Variants in IL37 observed in about 807,000 individuals in gnomAD.
IL37 encodes interleukin-37.
A neutral mutation model predicts 15.4 loss-of-function variants in IL37; 15 were observed. That is an observed-to-expected ratio of 0.98 (90% CI 0.65 to 1.50). The LOEUF (loss-of-function observed/expected upper bound fraction) is 1.50, where lower values mean the gene tolerates loss of function less well. Ranked by LOEUF, IL37 falls within the 40% of genes most tolerant of loss-of-function variation. The pLI is 0.00. For synonymous variants in IL37, 98 were observed against 97.4 expected (o/e 1.01, Z -0.03); for missense variants, 269 against 261.7 (o/e 1.03, Z -0.19).
chr2:112,912,924 G>A, intron 1 of IL37, 39 bp from the exon 2 acceptor site: 1 of 916,016 alleles, frequency 1.1e-6, no homozygotes, highest in Admixed American at 2.6e-5. Context: ...GTCCTGGGGT[G>A]AGAAGATGCC....
chr2:112,915,560 A>G (rs746815860), intron 3 of IL37, among the ~76,000 whole-genome samples: 12 of 152,218 alleles, frequency 7.9e-5, no homozygotes, highest in Non-Finnish European at 1.8e-4. Flanking sequence ...GATTTCTTGC[A>G]CATTAAAGTG....
Position 112,913,838 on chromosome 2 carries a change from G to A in IL37, c.129G>A (p.Met43Ile). ...PLEPGPSLPT[M>I]NFVHTSPKVK... The stretch of plus-strand genomic sequence containing the variant: ...AACCAGGCCCAAGCCTCCCCACCAT[G>A]AATTTTGTTCACACAAGTAAGGCCT... Residue 43 changes from methionine (M) to isoleucine (I), a missense_variant, in exon 3 of 6, where the codon ATG (methionine) becomes ATA (isoleucine). Coordinates refer to ENST00000263326, the MANE Select transcript of IL37 (RefSeq NM_014439.4). The A allele has an allele frequency of 1.2e-6, 2 of 1,613,636 alleles. No homozygotes were observed. Among genetic ancestry groups the A allele is most frequent in the Non-Finnish European group, 1.7e-6 (2 of 1,179,562 alleles).
intron 1 of IL37, 64 bp from the exon 2 acceptor site, chr2:112,912,899 G>C (rs1422096248): frequency 1.4e-6 from 1 of 713,502 alleles, no homozygotes; most frequent in African/African-American, 1.9e-5. Context: ...CAGCACTAGA[G>C]ACATGCAGCA....
intron 3 of IL37, chr2:112,915,052 C>G: frequency 6.2e-6 from 4 of 640,242 alleles, no homozygotes; most frequent in Non-Finnish European, 1.1e-5. Flanking sequence ...TACAACTTCC[C>G]TATAGAAAAC....
chr2:112,915,378 TA>T (rs561569921), intron 3 of IL37: 1 of 806,886 alleles, frequency 1.2e-6, no homozygotes, highest in South Asian at 1.7e-5. Context: ...TCCATGGTCT[TA>T]AAATGCCACC....
chr2:112,915,232 A>G, intron 3 of IL37: 1 of 1,614,084 alleles, frequency 6.2e-7, no homozygotes, highest in Non-Finnish European at 8.5e-7. Context: ...AACCAAAGGA[A>G]AGAACAGCTT....
chr2:112,913,017 C>T lies in IL37; in HGVS notation c.5C>T (p.Ser2Phe), dbSNP rs761253599. Residue 2 changes from serine to phenylalanine, a missense_variant, in exon 2 of 6, where the codon TCC becomes TTC. Ser to Phe is a radical substitution (Grantham distance 155, BLOSUM62 -2). Coordinates refer to ENST00000263326, the MANE Select transcript of IL37 (RefSeq NM_014439.4). Reference protein sequence around the residue: MSFVGENSGVKM... With the variant: MFFVGENSGVKM... ...GTAATAAACTCAACGTTGAAAATGT[C>T]CTTTGTGGGGGAGAACTCAGGAGTG... 3.4e-5 allele frequency: 53 copies of T among 1,579,992 alleles called. No homozygotes were observed. The highest frequency in any genetic ancestry group is 4.5e-5 in the Non-Finnish European group (52 of 1,167,074).
chr2:112,917,167 A>G lies in IL37; in HGVS notation c.184A>G (p.Ile62Val), dbSNP rs1683332196. The change falls in exon 4 of 6, where the codon ATT becomes GTT. Residue 62 changes from isoleucine (I) to valine (V), a missense_variant. Physicochemically the swap from Ile to Val is conservative, Grantham distance 29. Transcript: ENST00000263326. ...VKNLNPKKFS[I>V]HDQDHKVLVL... is the part of the protein sequence containing the mutation. ...GAACTTAAACCCGAAGAAATTCAGC[A>G]TTCATGACCAGGATCACAAAGTACT... The G allele has an allele frequency of 6.2e-7, 1 of 1,614,136 alleles. No individual in the cohort carries two copies. Among genetic ancestry groups the G allele is most frequent in the South Asian group, 1.1e-5 (1 of 91,072 alleles).
intron 3 of IL37, among the ~76,000 whole-genome samples, chr2:112,915,038 G>T (rs1441873778): frequency 6.6e-6 from 1 of 152,156 alleles, no homozygotes; most frequent in Non-Finnish European, 1.5e-5. Context: ...TGCTGCTGTT[G>T]GAGTACAACT....
chr2:112,914,214 C>T (rs1329497463), intron 3 of IL37, among the ~76,000 whole-genome samples: 1 of 152,048 alleles, frequency 6.6e-6, no homozygotes, highest in Non-Finnish European at 1.5e-5. Flanking sequence ...GCAGGGACAC[C>T]CACACCACTA....
chr2:112,912,574 A>G (rs1169255148), intron 1 of IL37, among the ~76,000 whole-genome samples: 2 of 152,216 alleles, frequency 1.3e-5, no homozygotes, highest in Admixed American at 1.3e-4. Context: ...AGCCAGAGAC[A>G]ATATGTAAAC....
At chr2:112,913,621 T>C (rs2466448) in intron 2 of IL37, among the ~76,000 whole-genome samples, 171 bp from the exon 3 acceptor site, 14,456 of 152,254 alleles carry the variant, frequency 0.095, 893 homozygotes, top group African/African-American at 0.16. Context: ...ATCCAGTTCA[T>C]CTCTATTCTA....
intron 3 of IL37, chr2:112,915,277 G>A (rs1683280562): frequency 7.5e-6 from 12 of 1,607,322 alleles, no homozygotes; most frequent in Non-Finnish European, 1.0e-5. Context: ...GTAAAATGAT[G>A]GTGCTAGAAA....
In IL37 at chr2:112,917,188, G is replaced by C. The variant is rs376264964; in HGVS notation, c.205G>C (p.Val69Leu). Reference protein sequence around the residue: ...KFSIHDQDHKVLVLDSGNLIA... With the variant: ...KFSIHDQDHKLLVLDSGNLIA... ...CAGCATTCATGACCAGGATCACAAA[G>C]TACTGGTCCTGGACTCTGGGAATCT... is the stretch of plus-strand genomic sequence containing the variant. The change falls in exon 4 of 6, where the codon GTA becomes CTA. Residue 69 changes from valine (V) to leucine (L), a missense_variant. By Grantham distance (32) the Val-to-Leu change is conservative (BLOSUM62 1). Transcript: ENST00000263326. 1 of 1,613,696 alleles carries C rather than the reference G, an allele frequency of 6.2e-7. No individual in the cohort carries two copies.
At chr2:112,914,762 A>G (rs1344859774) in intron 3 of IL37, among the ~76,000 whole-genome samples, 1 of 152,172 alleles carries the variant, frequency 6.6e-6, no homozygotes, top group African/African-American at 2.4e-5. Context: ...TCTCCTTGTC[A>G]GGGCTGGGAT....
At chr2:112,915,168 T>A in intron 3 of IL37, 1 of 1,608,628 alleles carries the variant, frequency 6.2e-7, no homozygotes. Flanking sequence ...AGTGAACTAG[T>A]CTGCATGTGA....
At chr2:112,915,378 T>C in intron 3 of IL37, 1 of 806,888 alleles carries the variant, frequency 1.2e-6, no homozygotes, top group Non-Finnish European at 2.0e-6. Flanking sequence ...TCCATGGTCT[T>C]AAAATGCCAC....
At chr2:112,916,559 C>A (rs1228344306) in intron 3 of IL37, among the ~76,000 whole-genome samples, 1 of 152,166 alleles carries the variant, frequency 6.6e-6, no homozygotes, top group Non-Finnish European at 1.5e-5. Context: ...GTGCTGGGCT[C>A]CTGGGGGCTT....
Position 112,917,239 on chromosome 2 carries a change from A to C in IL37, c.256A>C (p.Ile86Leu). ...NLIAVPDKNY[I>L]RPEIFFALAS... ...CATAGCAGTTCCAGATAAAAACTAC[A>C]TACGCCCAGGTGACTCTCAGTTTTG... Residue 86 changes from isoleucine to leucine, a missense_variant, in exon 4 of 6, where the codon ATA (isoleucine) becomes CTA (leucine). Physicochemically the swap from Ile to Leu is conservative, Grantham distance 5 (BLOSUM62 2). Transcript: ENST00000263326. 6.2e-6 allele frequency: 10 copies of C among 1,613,980 alleles called. No homozygotes were observed. The highest frequency in any genetic ancestry group is 8.5e-6 in the Non-Finnish European group (10 of 1,179,936).
Sources: gnomAD v4.1 joint callset for allele counts (sites outside exome capture counted in the v4.1 genomes callset) on GRCh38, gnomAD v4.1.1 for gene constraint, MANE v1.5 for transcripts, NCBI Gene and HGNC (gene_info 2026-07-23, HGNC 2026-07-21) for gene names.